Variants in UGT1A9 observed in about 807,000 individuals in gnomAD.
UGT1A9 encodes UDP glucuronosyltransferase family 1 member A9, also known as UDP-glucuronosyltransferase 1A9.
In UGT1A9, 35 loss-of-function variants were observed where a neutral mutation model predicts 45.0. The observed-to-expected ratio is 0.78, with a 90% CI of 0.59 to 1.03. UGT1A9 has a LOEUF of 1.03. UGT1A9 is among the 50% of genes least tolerant of loss of function. The pLI is 0.00. For synonymous variants in UGT1A9, 278 were observed against 250.6 expected, an observed-to-expected ratio of 1.11 and a Z score of -1.03; for missense variants, 687 against 666.6, an observed-to-expected ratio of 1.03 and a Z score of -0.34.
intron 1 of UGT1A9, among the ~76,000 whole-genome samples, chr2:233,757,218 C>G (rs1037156819): frequency 2.0e-5 from 3 of 149,068 alleles, no homozygotes; most frequent in African/African-American, 7.5e-5. Context: ...AAGCTGCTGA[C>G]CAAGGTTCCA....
At chr2:233,763,527 CT>C (rs1248792225) in intron 1 of UGT1A9, among the ~76,000 whole-genome samples, 2 of 152,146 alleles carry the variant, frequency 1.3e-5, no homozygotes, top group African/African-American at 4.8e-5. Context: ...TGCCATTCTC[CT>C]TTTTCCGGAT....
intron 1 of UGT1A9, among the ~76,000 whole-genome samples, chr2:233,675,270 G>T (rs1040996706): frequency 6.6e-6 from 1 of 152,140 alleles, no homozygotes; most frequent in Non-Finnish European, 1.5e-5. Flanking sequence ...ATATCATTCC[G>T]TGTGGTCATT....
At chr2:233,726,742 G>A (rs1437443163) in intron 1 of UGT1A9, among the ~76,000 whole-genome samples, 1 of 152,226 alleles carries the variant, frequency 6.6e-6, no homozygotes, top group African/African-American at 2.4e-5. Context: ...TTGTGGGGCT[G>A]TGATTCTGCC....
At chr2:233,696,501 T>C (rs1019151525) in intron 1 of UGT1A9, among the ~76,000 whole-genome samples, 1 of 152,252 alleles carries the variant, frequency 6.6e-6, no homozygotes, top group Admixed American at 6.5e-5. Flanking sequence ...CGAATTTGCT[T>C]GTCAGTTCTA....
intron 1 of UGT1A9, among the ~76,000 whole-genome samples, chr2:233,761,658 A>G (rs1473319616): frequency 6.6e-6 from 1 of 152,256 alleles, no homozygotes; most frequent in East Asian, 1.9e-4. Flanking sequence ...TAATGAGTGA[A>G]TCACCAGACA....
Position 233,747,153 on chromosome 2 carries a change from A to G in UGT1A9, c.856-19881A>G, listed in dbSNP as rs1559391866. The G allele has an allele frequency of 3.2e-6, 5 of 1,578,556 alleles. No individual in the cohort carries two copies. The East Asian group carries it at 9.0e-5, about 28-fold the overall frequency. On this transcript the variant is annotated intron_variant, in intron 1 of 4. Transcript: ENST00000354728. Reference sequence around the variant, plus strand: ...CAGTGACAAGGTAATTAAGATGAAGAAAACAAATGTAGGAGGCACAGCGTG... The same window carrying G: ...CAGTGACAAGGTAATTAAGATGAAGGAAACAAATGTAGGAGGCACAGCGTG...
intron 1 of UGT1A9, among the ~76,000 whole-genome samples, chr2:233,703,248 G>A (rs1279387068): frequency 2.0e-5 from 3 of 152,122 alleles, no homozygotes; most frequent in Non-Finnish European, 2.9e-5. Context: ...GGCCCAGAGT[G>A]TTCCCTTATA....
At chr2:233,760,745 T>A (rs1697549301) in intron 1 of UGT1A9, 1 of 1,614,020 alleles carries the variant, frequency 6.2e-7, no homozygotes, top group Non-Finnish European at 8.5e-7. Flanking sequence ...ACGGACCCTT[T>A]CCTTCCTTGC....
intron 1 of UGT1A9, among the ~76,000 whole-genome samples, chr2:233,766,588 C>T (rs1357032158): frequency 3.3e-5 from 5 of 152,174 alleles, no homozygotes; most frequent in Non-Finnish European, 5.9e-5. Flanking sequence ...GGGTGGAGCC[C>T]TCGCCAGGGA....
At chr2:233,754,577 C>T (rs1133490) in intron 1 of UGT1A9, 2 of 424,484 alleles carry the variant, frequency 4.7e-6, no homozygotes, top group Non-Finnish European at 9.4e-6. Context: ...TGCTCTATGC[C>T]GTTTATTATG....
chr2:233,718,656 C>T, intron 1 of UGT1A9: 1 of 1,519,542 alleles, frequency 6.6e-7, no homozygotes, highest in Non-Finnish European at 8.8e-7. Flanking sequence ...TAACGAAAGG[C>T]AGTTATAGAT....
intron 1 of UGT1A9, among the ~76,000 whole-genome samples, chr2:233,676,649 G>A (rs764826095): frequency 1.3e-5 from 2 of 152,070 alleles, no homozygotes; most frequent in Non-Finnish European, 2.9e-5. Context: ...CTTGTTTTTA[G>A]TGACTTGGGC....
At chr2:233,755,830 A>G (rs534552982) in intron 1 of UGT1A9, 2 of 152,366 alleles carry the variant, frequency 1.3e-5, no homozygotes, top group South Asian at 4.1e-4. Context: ...AGACATATTC[A>G]TTGGGCAATT....
At chr2:233,752,262 A>T (rs1694925315) in intron 1 of UGT1A9, 1 of 152,020 alleles carries the variant, frequency 6.6e-6, no homozygotes. Context: ...TGGTCACAGG[A>T]CTCCAGGTCT....
chr2:233,743,077 A>C (rs980978105), intron 1 of UGT1A9: 3 of 344,556 alleles, frequency 8.7e-6, no homozygotes, highest in African/African-American at 2.2e-5. Context: ...TGTTGGCATG[A>C]AGTGTTTATA....
intron 1 of UGT1A9, among the ~76,000 whole-genome samples, chr2:233,756,629 A>G (rs1696275606): frequency 6.6e-6 from 1 of 152,204 alleles, no homozygotes; most frequent in South Asian, 2.1e-4. Flanking sequence ...GGCCGTGTGT[A>G]TAGCACTGGG....
At chr2:233,695,023 A>G (rs934384118) in intron 1 of UGT1A9, among the ~76,000 whole-genome samples, 2 of 152,150 alleles carry the variant, frequency 1.3e-5, no homozygotes, top group Non-Finnish European at 2.9e-5. Flanking sequence ...TTTGAACTGC[A>G]GTATACATTC....
intron 1 of UGT1A9, among the ~76,000 whole-genome samples, chr2:233,702,957 A>G (rs1394340118): frequency 6.6e-6 from 1 of 152,176 alleles, no homozygotes; most frequent in East Asian, 1.9e-4. Flanking sequence ...TCTGAATATT[A>G]CTGGCCTTGT....
chr2:233,731,298 T>TA (rs199583438), intron 1 of UGT1A9, among the ~76,000 whole-genome samples: 1 of 149,198 alleles, frequency 6.7e-6, no homozygotes, highest in Non-Finnish European at 1.5e-5. Context: ...TTTTTTTTTT[T>TA]ATTATACTTT....
Sources: gnomAD v4.1 joint callset for allele counts (sites outside exome capture counted in the v4.1 genomes callset) on GRCh38, gnomAD v4.1.1 for gene constraint, MANE v1.5 for transcripts, NCBI Gene and HGNC (gene_info 2026-07-23, HGNC 2026-07-21) for gene names.